The following PCDH11X variants were observed in gnomAD, a reference collection of about 807,000 sequenced individuals.
PCDH11X encodes the protein protocadherin-11 X-linked.
Under a neutral mutation model 53.3 loss-of-function variants are expected in PCDH11X, and 18 were observed. That is an observed-to-expected ratio of 0.34 (90% CI 0.23 to 0.50). PCDH11X has a LOEUF of 0.50. Among genes scored for constraint, PCDH11X ranks in the 20% least tolerant of loss-of-function variants. The pLI, the probability that PCDH11X is intolerant of heterozygous loss-of-function variation, is 0.98. For synonymous variants in PCDH11X, 279 were observed against 393.3 expected (o/e 0.71, Z 3.44); for missense variants, 570 against 1,032.4 (o/e 0.55, Z 6.14).
rs1306422379 is a variant in PCDH11X, at chrX:91,878,564, C to T, written c.2324C>T (p.Ser775Leu). ...ATTGTCAATCTGTTCGTGAATGAGT[C>T]GGTGACCAATGCTACACTGATTAAT... is the stretch of plus-strand genomic sequence containing the variant. Reference protein sequence around the residue: ...VVIVNLFVNESVTNATLINEL... With the variant: ...VVIVNLFVNELVTNATLINEL... The change falls in exon 6 of 11, where the codon TCG becomes TTG. Residue 775 changes from serine (S) to leucine (L), a missense_variant. Transcript: ENST00000682573. The T allele has an allele frequency of 5.0e-6, 6 of 1,209,261 alleles. No individual in the cohort carries two copies. The highest frequency in any genetic ancestry group is 2.3e-4 in the Middle Eastern group (1 of 4,349).
chrX:92,558,046 G>A (rs1288392005), intron 10 of PCDH11X, among the ~76,000 whole-genome samples: 2 of 111,219 alleles, frequency 1.8e-5, no homozygotes, highest in African/African-American at 6.5e-5. Flanking sequence ...AGAACAGCAT[G>A]GGGATAACCA....
intron 6 of PCDH11X, among the ~76,000 whole-genome samples, chrX:92,132,675 GTATATATATA>G (rs1375197121): frequency 2.0e-5 from 1 of 49,485 alleles, no homozygotes; most frequent in African/African-American, 1.1e-4. Flanking sequence ...ATATGTATAT[GTATATATATA>G]TGTATATATA....
At chrX:92,163,857 A>G (rs1372001695) in intron 6 of PCDH11X, among the ~76,000 whole-genome samples, 2 of 111,428 alleles carry the variant, frequency 1.8e-5, no homozygotes, top group Non-Finnish European at 3.8e-5. Flanking sequence ...CCTGCCTCCT[A>G]TCCACCATCT....
intron 6 of PCDH11X, among the ~76,000 whole-genome samples, chrX:91,914,255 A>G: frequency 9.0e-6 from 1 of 110,783 alleles, no homozygotes; most frequent in Non-Finnish European, 1.9e-5. Context: ...AAATCTGAAC[A>G]GCAGGCCTTA....
intron 10 of PCDH11X, among the ~76,000 whole-genome samples, chrX:92,495,735 G>A (rs1457275053): frequency 9.3e-6 from 1 of 107,081 alleles, no homozygotes; most frequent in Non-Finnish European, 1.9e-5. Context: ...ATGGTGGAAG[G>A]CAAAAGGCAC....
chrX:92,395,384 T>C (rs936914250), intron 9 of PCDH11X, among the ~76,000 whole-genome samples: 2 of 111,252 alleles, frequency 1.8e-5, no homozygotes, highest in Non-Finnish European at 3.8e-5. Flanking sequence ...GTAATCACTA[T>C]TCATGAAACC....
chrX:92,041,454 C>G (rs2063207991), intron 6 of PCDH11X, among the ~76,000 whole-genome samples: 1 of 110,856 alleles, frequency 9.0e-6, no homozygotes, highest in Non-Finnish European at 1.9e-5. Flanking sequence ...ACTGACTATT[C>G]AAACATGTAG....
intron 10 of PCDH11X, among the ~76,000 whole-genome samples, chrX:92,584,040 T>A (rs181619286): frequency 4.9e-4 from 55 of 111,135 alleles, no homozygotes; most frequent in Non-Finnish European, 7.2e-4. Context: ...GAGACAATGA[T>A]GAAATAAATA....
intron 5 of PCDH11X, among the ~76,000 whole-genome samples, chrX:91,870,978 C>A (rs1329751969): frequency 9.0e-6 from 1 of 110,619 alleles, no homozygotes; most frequent in Non-Finnish European, 1.9e-5. Context: ...TTATTGTAAT[C>A]CGTTTTTTAT....
intron 5 of PCDH11X, among the ~76,000 whole-genome samples, chrX:91,853,799 G>A (rs1381387839): frequency 9.0e-6 from 1 of 111,441 alleles, no homozygotes; most frequent in Non-Finnish European, 1.9e-5. Flanking sequence ...ATGAAAAATT[G>A]TTCTTAGCTC....
intron 6 of PCDH11X, among the ~76,000 whole-genome samples, chrX:92,169,147 G>C (rs770190440): frequency 2.1e-5 from 2 of 96,752 alleles, no homozygotes; most frequent in African/African-American, 7.3e-5. Flanking sequence ...TGTTTATAGG[G>C]ACAAAACCCG....
chrX:92,420,278 G>A (rs967853463), intron 9 of PCDH11X, among the ~76,000 whole-genome samples: 2 of 112,078 alleles, frequency 1.8e-5, no homozygotes, highest in African/African-American at 6.5e-5. Context: ...AGGAATTTAA[G>A]AAAAGAAAAT....
chrX:92,026,640 G>A (rs1354393990), intron 6 of PCDH11X, among the ~76,000 whole-genome samples: 2 of 89,272 alleles, frequency 2.2e-5, no homozygotes, highest in Admixed American at 1.4e-4. Flanking sequence ...TTAAATCCCT[G>A]TGAGCATGTG....
chrX:92,057,365 C>T (rs200018714), intron 6 of PCDH11X, among the ~76,000 whole-genome samples: 1,561 of 109,558 alleles, frequency 0.014, 25 homozygotes, highest in African/African-American at 0.049. Context: ...GAGTTTTCTA[C>T]GTAATGTGAT....
chrX:92,519,231 T>C (rs2074326210), intron 10 of PCDH11X, among the ~76,000 whole-genome samples: 1 of 108,003 alleles, frequency 9.3e-6, no homozygotes, highest in African/African-American at 3.3e-5. Context: ...AGTAACTCAC[T>C]CAAGCTCACA....
chrX:92,015,326 G>A (rs1381786057), intron 6 of PCDH11X, among the ~76,000 whole-genome samples: 1 of 111,692 alleles, frequency 9.0e-6, no homozygotes, highest in Non-Finnish European at 1.9e-5. Flanking sequence ...GTTTGGAGTA[G>A]TTGTGACAAT....
chrX:92,369,344 A>G (rs925912267), intron 8 of PCDH11X, among the ~76,000 whole-genome samples: 17 of 110,923 alleles, frequency 1.5e-4, no homozygotes, highest in Non-Finnish European at 1.7e-4. Context: ...AGCCTCAGTA[A>G]TGGCGGATGC....
chrX:92,386,641 G>T (rs1370083709), intron 8 of PCDH11X, among the ~76,000 whole-genome samples: 1 of 110,268 alleles, frequency 9.1e-6, no homozygotes, highest in Non-Finnish European at 1.9e-5. Context: ...CAGCTGGAAT[G>T]TTCATAATGG....
chrX:91,942,613 C>T (rs1170705841), intron 6 of PCDH11X, among the ~76,000 whole-genome samples: 1 of 110,850 alleles, frequency 9.0e-6, no homozygotes, highest in African/African-American at 3.3e-5. Context: ...CTTCACTTGT[C>T]AATTCTACTA....
Sources: allele counts gnomAD v4.1 joint callset (sites outside exome capture counted in the v4.1 genomes callset), GRCh38; gene constraint gnomAD v4.1.1; transcripts MANE v1.5; gene names NCBI Gene and HGNC (gene_info 2026-07-23, HGNC 2026-07-21).